The following ZNF875 variants were observed in gnomAD, a reference collection of about 807,000 sequenced individuals.
The protein encoded by ZNF875 is HKR1, GLI-Kruppel zinc finger family member.
In ZNF875, 14 loss-of-function variants were observed where a neutral mutation model predicts 11.2. The observed-to-expected ratio is 1.26, with a 90% CI of 0.83 to 1.96. The LOEUF (loss-of-function observed/expected upper bound fraction) is 1.96, where lower values mean the gene tolerates loss of function less well. Among genes scored for constraint, ZNF875 ranks in the 30% most tolerant of loss-of-function variants. ZNF875 has a pLI of 0.00. For synonymous variants in ZNF875, 301 were observed against 281.1 expected (o/e 1.07, Z -0.71); for missense variants, 752 against 760.4 (o/e 0.99, Z 0.13).
chr19:37,345,556 C>T (rs892928087), intron 2 of ZNF875, among the ~76,000 whole-genome samples: 3 of 152,118 alleles, frequency 2.0e-5, no homozygotes, highest in Non-Finnish European at 4.4e-5. Flanking sequence ...AAATGAATGA[C>T]GCTGGTGAGG....
At chr19:37,338,186 G>A (rs2034910372) in intron 2 of ZNF875, among the ~76,000 whole-genome samples, 1 of 152,092 alleles carries the variant, frequency 6.6e-6, no homozygotes, top group African/African-American at 2.4e-5. Context: ...GCAGTGGCAC[G>A]ATCTTGGCTT....
chr19:37,340,276 C>A (rs942829698), intron 2 of ZNF875, among the ~76,000 whole-genome samples: 1 of 152,190 alleles, frequency 6.6e-6, no homozygotes, highest in African/African-American at 2.4e-5. Context: ...GCCACCACGC[C>A]CAGCCCTACT....
chr19:37,358,155 T>TG, intron 4 of ZNF875: 1 of 358,038 alleles, frequency 2.8e-6, no homozygotes, highest in Non-Finnish European at 4.9e-6. Context: ...TTTTTTTTTT[T>TG]TTTGTTTGAG....
In ZNF875 at chr19:37,362,921, C is replaced by T; in HGVS notation, c.1069C>T (p.Gln357Ter). The T allele has an allele frequency of 6.2e-7, 1 of 1,614,048 alleles. No individual in the cohort carries two copies. Among genetic ancestry groups the T allele is most frequent in the Non-Finnish European group, 8.5e-7 (1 of 1,180,016 alleles). Residue 357 changes from glutamine to a stop codon, truncating the protein, a stop_gained, in exon 5 of 5, where the codon CAG becomes TAG. Coordinates refer to ENST00000392153, the MANE Select transcript of ZNF875 (RefSeq NM_001353803.2). LOFTEE classifies it low-confidence loss of function (END_TRUNC). ...CCTGAAGTCAAACCTCATTACCCAC[C>T]AGAGGGCGCACACTGGGGAGAAGCC... ...FSLKSNLITH[Q>*]RAHTGEKPYV...
intron 4 of ZNF875, among the ~76,000 whole-genome samples, chr19:37,352,173 C>T (rs1192015827): frequency 6.6e-6 from 1 of 151,710 alleles, no homozygotes; most frequent in Admixed American, 6.6e-5. Context: ...TTTAGCAATA[C>T]CGCTTGTCTT....
chr19:37,333,864 C>A (rs1006882057), upstream of ZNF875, among the ~76,000 whole-genome samples: 2 of 151,866 alleles, frequency 1.3e-5, no homozygotes, highest in Non-Finnish European at 2.9e-5. Flanking sequence ...AAGAAAACAC[C>A]CCTGTTGAAC....
At chr19:37,321,866 A>G (rs530403992) in intron 1 of ZNF875, among the ~76,000 whole-genome samples, 1 of 152,282 alleles carries the variant, frequency 6.6e-6, no homozygotes, top group South Asian at 2.1e-4. Context: ...TACCACAGCA[A>G]CATGCCTATT....
chr19:37,352,407 AT>A, intron 4 of ZNF875, among the ~76,000 whole-genome samples: 1 of 151,752 alleles, frequency 6.6e-6, no homozygotes, highest in Middle Eastern at 3.4e-3. Context: ...CGCCTGGCTA[AT>A]TTTTTTCCTA....
chr19:37,332,322 C>T (rs1252236939), upstream of ZNF875, among the ~76,000 whole-genome samples: 1 of 151,606 alleles, frequency 6.6e-6, no homozygotes, highest in Non-Finnish European at 1.5e-5. Context: ...AATCTCTCGT[C>T]CCACCTTACG....
At chr19:37,356,027 T>C (rs1341879858) in intron 4 of ZNF875, among the ~76,000 whole-genome samples, 1 of 152,160 alleles carries the variant, frequency 6.6e-6, no homozygotes, top group Non-Finnish European at 1.5e-5. Flanking sequence ...AGAACATAGG[T>C]TATTTGATTT....
chr19:37,351,105 T>C (rs1478771763), intron 4 of ZNF875, among the ~76,000 whole-genome samples: 1 of 152,240 alleles, frequency 6.6e-6, no homozygotes, highest in East Asian at 1.9e-4. Flanking sequence ...GTGCCCAGCC[T>C]CAAATTTTAT....
Position 37,347,864 on chromosome 19 carries a change from T to A in ZNF875, c.248T>A (p.Leu83His). ...GAGGAGAGAAAATGTCCACTGGACC[T>A]CTGTCCAGGTGAGTGTTGAGTGTGG... is the stretch of plus-strand genomic sequence containing the variant. ...WREERKCPLD[L>H]CPESKPEIQL... The change falls in exon 4 of 5, where the codon CTC (leucine) becomes CAC (histidine). Residue 83 changes from leucine to histidine, a missense_variant. Transcript: ENST00000392153. 1 of 1,587,968 alleles carries A rather than the reference T, an allele frequency of 6.3e-7. No individual in the cohort carries two copies. The highest frequency in any genetic ancestry group is 1.7e-4 in the Middle Eastern group (1 of 6,014).
chr19:37,317,023 G>T, upstream of ZNF875: 1 of 150,270 alleles, frequency 6.7e-6, no homozygotes, highest in Non-Finnish European at 1.5e-5. Context: ...CGCCCAGGCT[G>T]GAGGGGAGTG....
chr19:37,347,065 C>T (rs1230439927), intron 2 of ZNF875, 125 bp from the exon 3 acceptor site: 8 of 1,277,932 alleles, frequency 6.3e-6, no homozygotes, highest in South Asian at 3.7e-5. Context: ...GATCCGCCCA[C>T]CTTGGCCTCC....
In ZNF875 at chr19:37,347,829, G is replaced by A. The variant is rs765910142; in HGVS notation, c.213G>A (p.Ala71=). The A allele has an allele frequency of 5.6e-5, 91 of 1,613,270 alleles. No individual in the cohort carries two copies. The highest frequency in any genetic ancestry group is 7.4e-5 in the Non-Finnish European group (87 of 1,179,384). The change falls in exon 4 of 5, where the codon GCG becomes GCA. Residue 71 remains alanine (A), a synonymous_variant. Transcript: ENST00000392153. ...TTGCTCAGCTGGAGCGAGGGGAAGC[G>A]CCCTGGAGAGAGGAGAGAAAATGTC... ...KLIAQLERGE[A]PWREERKCPL...
At chr19:37,357,530 C>T (rs776628904) in intron 4 of ZNF875, among the ~76,000 whole-genome samples, 4 of 152,098 alleles carry the variant, frequency 2.6e-5, no homozygotes, top group Admixed American at 6.6e-5. Context: ...TAGTTCTCCT[C>T]GCAGAGACCT....
intron 2 of ZNF875, chr19:37,344,820 G>C (rs373423139): frequency 1.7e-6 from 2 of 1,185,894 alleles, no homozygotes. Flanking sequence ...CTGTGATGTA[G>C]CTCCTTCGTG....
chr19:37,362,007 TGATGTAAA>T (rs2040019244), intron 4 of ZNF875, 94 bp from the exon 5 acceptor site: 2 of 704,002 alleles, frequency 2.8e-6, no homozygotes, highest in Non-Finnish European at 2.5e-6. Context: ...AGATAGCTTG[TGATGTAAA>T]TATGTAAATA....
At chr19:37,360,324 GCTTTATA>G (rs2039690649) in intron 4 of ZNF875, among the ~76,000 whole-genome samples, 1 of 152,108 alleles carries the variant, frequency 6.6e-6, no homozygotes, top group Non-Finnish European at 1.5e-5. Context: ...CATTACTGTA[GCTTTATA>G]TTAAGTTTTG....
Sources: allele counts gnomAD v4.1 joint callset (sites outside exome capture counted in the v4.1 genomes callset), GRCh38; gene constraint gnomAD v4.1.1; transcripts MANE v1.5; gene names NCBI Gene and HGNC (gene_info 2026-07-23, HGNC 2026-07-21).